ABCB11: variants seen among roughly 807,000 people sequenced by gnomAD.
ABCB11 encodes bile salt export pump.
ABCB11 carries 95 observed loss-of-function variants against 148.0 expected under a neutral mutation model. That is an observed-to-expected ratio of 0.64 (90% CI 0.54 to 0.76). The LOEUF is 0.76. ABCB11 is among the 30% of genes least tolerant of loss of function. The pLI, the probability that ABCB11 is intolerant of heterozygous loss-of-function variation, is 0.00. For missense variants in ABCB11, 1,523 were observed against 1,617.8 expected, an observed-to-expected ratio of 0.94 and a Z score of 1.01; for synonymous variants, 591 against 555.4, an observed-to-expected ratio of 1.06 and a Z score of -0.90.
At chr2:168,968,530 T>C (rs767924617) in intron 16 of ABCB11, 40 bp from the exon 17 acceptor site, 17 of 1,510,048 alleles carry the variant, frequency 1.1e-5, no homozygotes, top group Non-Finnish European at 2.7e-6. Context: ...GTATATACAA[T>C]AAACAGAACC....
At chr2:168,956,639 T>C (rs1412913186) in intron 19 of ABCB11, among the ~76,000 whole-genome samples, 2 of 151,510 alleles carry the variant, frequency 1.3e-5, no homozygotes, top group Non-Finnish European at 1.5e-5. Context: ...TAGTCTCCCC[T>C]CTCTCTCCTT....
chr2:168,929,236 G>A (rs759592322), intron 25 of ABCB11, among the ~76,000 whole-genome samples: 5 of 152,152 alleles, frequency 3.3e-5, no homozygotes, highest in Middle Eastern at 3.2e-3. Context: ...AAAAAGGAAT[G>A]TATGGGAACT....
chr2:169,000,463 T>C lies in ABCB11; in HGVS notation c.390-3741A>G, dbSNP rs1355488974. Reference sequence around the variant, plus strand: ...TAAGTCCATGATTCATTTAAGAAAATTTTTGTGTAATTTCATTTTTTTGCC... The same window carrying C: ...TAAGTCCATGATTCATTTAAGAAAACTTTTGTGTAATTTCATTTTTTTGCC... On this transcript the variant is annotated intron_variant, in intron 5 of 27. Coordinates refer to ENST00000650372, the MANE Select transcript of ABCB11 (RefSeq NM_003742.4). 2.6e-5 allele frequency among the ~76,000 whole-genome samples: 4 copies of C among 151,752 alleles called. No individual in the cohort carries two copies. In the Admixed American group the frequency reaches 2.6e-4, roughly 10 times the overall value.
intron 18 of ABCB11, among the ~76,000 whole-genome samples, chr2:168,959,673 C>T (rs1354453763): frequency 6.6e-6 from 1 of 151,410 alleles, no homozygotes; most frequent in Non-Finnish European, 1.5e-5. Context: ...TGTCTTCATC[C>T]CAAGTGAAGT....
At chr2:168,967,564 C>T (rs79835267) in intron 17 of ABCB11, among the ~76,000 whole-genome samples, 4,718 of 151,798 alleles carry the variant, frequency 0.031, 267 homozygotes, top group African/African-American at 0.11. Context: ...AATAATTATC[C>T]ATCTTGAATG....
intron 23 of ABCB11, among the ~76,000 whole-genome samples, chr2:168,933,622 AT>A (rs1294641801): frequency 6.6e-6 from 1 of 152,200 alleles, no homozygotes; most frequent in Non-Finnish European, 1.5e-5. Flanking sequence ...AAATCTGAAC[AT>A]CCCCGGGAGC....
chr2:168,973,776 C>T lies in ABCB11; in HGVS notation c.1373G>A (p.Gly458Glu). The change falls in exon 13 of 28, where the codon GGA (glycine) becomes GAA (glutamate). Residue 458 changes from glycine (G) to glutamate (E), a missense_variant. Physicochemically the swap from Gly to Glu is moderately conservative, Grantham distance 98 (BLOSUM62 -2). Transcript: ENST00000650372. ...TTGCAGTGCTGTACTTTTTCCAGCT[C>T]CACTGGGTCCTACCAGAGCTGTCAT... ...GEMTALVGPS[G>E]AGKSTALQLI... 6.2e-7 allele frequency: 1 copy of T among 1,612,218 alleles called. No individual in the cohort carries two copies. The highest frequency in any genetic ancestry group is 8.5e-7 in the Non-Finnish European group (1 of 1,178,696).
chr2:168,944,735 AG>A lies in ABCB11; in HGVS notation c.2479del (p.Leu827Ter). 1 of 1,612,656 alleles carries A rather than the reference AG, an allele frequency of 6.2e-7. No individual in the cohort carries two copies. The highest frequency in any genetic ancestry group is 2.2e-5 in the East Asian group (1 of 44,822). On this transcript the variant is annotated frameshift_variant, in exon 21 of 28. Transcript: ENST00000650372. LOFTEE classifies it high-confidence loss of function. ...ACCAAATTTACGTAGCCTTTTTGTT[AG>A]GAGCTCCCCAGATTTAGCAAAGGCA... The part of the protein sequence containing the change: ...GYAFAKSGEL[L>X]TKRLRKFGFR...
At chr2:168,969,673 G>A in intron 15 of ABCB11, 122 bp from the exon 16 acceptor site, 1 of 895,298 alleles carries the variant, frequency 1.1e-6, no homozygotes, top group Non-Finnish European at 1.7e-6. Context: ...TTCTTAAATA[G>A]GCTGTGCAGA....
intron 10 of ABCB11, 92 bp from the exon 11 acceptor site, chr2:168,980,071 G>T: frequency 1.5e-6 from 1 of 687,792 alleles, no homozygotes; most frequent in Non-Finnish European, 2.5e-6. Flanking sequence ...AACGCAGAGA[G>T]TTATCAGAAA....
intron 19 of ABCB11, among the ~76,000 whole-genome samples, chr2:168,956,541 G>A (rs538471734): frequency 3.3e-5 from 5 of 151,628 alleles, no homozygotes; most frequent in Non-Finnish European, 5.9e-5. Context: ...ATCTTTGTAT[G>A]ATACTACTCT....
At chr2:168,994,831 G>A (rs568442176) in intron 7 of ABCB11, among the ~76,000 whole-genome samples, 70 of 152,172 alleles carry the variant, frequency 4.6e-4, no homozygotes, top group African/African-American at 1.4e-3. Context: ...AGGCCATTGT[G>A]TTCCAGCAGG....
intron 11 of ABCB11, among the ~76,000 whole-genome samples, chr2:168,977,059 T>C (rs1425615072): frequency 6.7e-6 from 1 of 148,270 alleles, no homozygotes; most frequent in Non-Finnish European, 1.5e-5. Flanking sequence ...TTATTTATCA[T>C]GTTGTTACTG....
chr2:168,924,493 T>G (rs1414883278), intron 27 of ABCB11, among the ~76,000 whole-genome samples, 164 bp downstream of exon 27: 1 of 152,242 alleles, frequency 6.6e-6, no homozygotes, highest in African/African-American at 2.4e-5. Flanking sequence ...AATCTTATAT[T>G]AAATCACTTG....
intron 19 of ABCB11, among the ~76,000 whole-genome samples, chr2:168,945,464 G>A (rs1020188121): frequency 2.6e-5 from 4 of 151,806 alleles, no homozygotes; most frequent in Admixed American, 6.6e-5. Flanking sequence ...TTAGGCAATT[G>A]TGTTGGTTTT....
In ABCB11 at chr2:169,018,368, T is replaced by C. The variant is rs984183926; in HGVS notation, c.-27-216A>G. On this transcript the variant is annotated intron_variant, in intron 1 of 27. Coordinates refer to ENST00000650372, the MANE Select transcript of ABCB11 (RefSeq NM_003742.4). ...ATAAAGGTTTTCTCTAGTTGTTACA[T>C]GGATGGTTGTTTTTTATAGCTTAAT... Among the ~76,000 whole-genome samples the C allele has an allele frequency of 2.6e-5, 4 of 152,316 alleles. 1 individual carries two copies. In the South Asian group the frequency reaches 8.3e-4, roughly 32 times the overall value.
intron 18 of ABCB11, among the ~76,000 whole-genome samples, chr2:168,960,434 C>T (rs1395536881): frequency 6.6e-6 from 1 of 151,632 alleles, no homozygotes; most frequent in African/African-American, 2.4e-5. Context: ...ACGATTGCCC[C>T]ACAGGATGGT....
chr2:168,940,667 T>C (rs946346723), intron 21 of ABCB11, among the ~76,000 whole-genome samples: 1 of 152,124 alleles, frequency 6.6e-6, no homozygotes, highest in African/African-American at 2.4e-5. Context: ...AATAACATAT[T>C]TTCCGTGTTG....
At position 168,932,373 on chromosome 2, in the gene ABCB11, T is replaced by G. The variant is rs370663009; in HGVS notation, c.3213+4A>C. On this transcript the variant is annotated splice_donor_region_variant and intron_variant, in intron 24 of 27. Transcript: ENST00000650372. ...TTATGGCTGCATAGTATTCCAACACTTACCCATTTTTCACCTGCAGTATTG... is the reference window on the plus strand; with the variant it reads ...TTATGGCTGCATAGTATTCCAACACGTACCCATTTTTCACCTGCAGTATTG... 8.4e-6 allele frequency: 13 copies of G among 1,553,940 alleles called. No homozygotes were observed. Among genetic ancestry groups the G allele is most frequent in the Admixed American group, 2.0e-5 (1 of 51,148 alleles).
Sources: gnomAD v4.1 joint callset for allele counts (sites outside exome capture counted in the v4.1 genomes callset) on GRCh38, gnomAD v4.1.1 for gene constraint, MANE v1.5 for transcripts, NCBI Gene and HGNC (gene_info 2026-07-23, HGNC 2026-07-21) for gene names.